SLFN11: variants seen among roughly 807,000 people sequenced by gnomAD.
SLFN11 encodes schlafen family member 11.
SLFN11 carries 43 observed loss-of-function variants against 53.4 expected under a neutral mutation model. The observed-to-expected ratio is 0.80, with a 90% CI of 0.63 to 1.04. The LOEUF is 1.04. SLFN11 is among the 50% of genes least tolerant of loss of function. The probability of loss-of-function intolerance (pLI) is 0.00; values close to 1 mark genes in which losing one functional copy is unlikely to be tolerated. For synonymous variants in SLFN11, 389 were observed against 394.7 expected (o/e 0.99, Z 0.17); for missense variants, 990 against 1,079.1 (o/e 0.92, Z 1.16).
rs141261472 is a variant in SLFN11, at chr17:35,360,401, C to T, written c.1070-30G>A. 1.6e-4 allele frequency: 250 copies of T among 1,581,240 alleles called. 2 individuals carry two copies. In the East Asian group the frequency reaches 3.5e-3, roughly 22 times the overall value. On this transcript the variant is annotated intron_variant, in intron 4 of 6. Coordinates refer to ENST00000685675, the MANE Select transcript of SLFN11 (RefSeq NM_001376007.1). ...AGAAAGAAAATTCATGTTATTCTGA[C>T]GTGTTAATCTCTTCATACTGAAAGA... is the stretch of plus-strand genomic sequence containing the variant.
At position 35,352,902 on chromosome 17, in the gene SLFN11, G is replaced by C; in HGVS notation, c.2160C>G (p.Asp720Glu). Residue 720 changes from aspartate to glutamate, a missense_variant, in exon 7 of 7, where the codon GAC becomes GAG. This residue lies in a region of SLFN11 where 313 missense variants were observed against 320.9 expected (regional missense o/e 0.98). Coordinates refer to ENST00000685675, the MANE Select transcript of SLFN11 (RefSeq NM_001376007.1). ...TGGTGAGCTCTTCTCTTGGATATTG[G>C]TCTGAGAGAGGAGGGAGGCCACTGC... ...LDCSGLPPLS[D>E]QYPREELTRI... The C allele has an allele frequency of 6.2e-7, 1 of 1,614,152 alleles. No individual in the cohort carries two copies. The highest frequency in any genetic ancestry group is 1.6e-4 in the Middle Eastern group (1 of 6,062).
At position 35,354,053 on chromosome 17, in the gene SLFN11, G is replaced by T. The variant is rs780627601; in HGVS notation, c.1205C>A (p.Pro402Gln). The change falls in exon 6 of 7, where the codon CCA becomes CAA. Residue 402 changes from proline (P) to glutamine (Q), a missense_variant. By Grantham distance (76) the Pro-to-Gln change is moderately conservative. This residue lies in a region of SLFN11 where 521 missense variants were observed against 516.2 expected (regional missense o/e 1.01). Transcript: ENST00000685675. ...ELQQLLFSVP[P>Q]GYLRYTPESL... ...CTCTGGAGTATATCGCAAATATCCT[G>T]GTGGGACTGTATGTGAAAAGAATGA... is the stretch of plus-strand genomic sequence containing the variant. 6.2e-7 allele frequency: 1 copy of T among 1,600,824 alleles called. No homozygotes were observed. Among genetic ancestry groups the T allele is most frequent in the South Asian group, 1.1e-5 (1 of 89,456 alleles).
chr17:35,352,120 T>C lies in SLFN11; in HGVS notation c.*236A>G, dbSNP rs912523594. The C allele has an allele frequency of 2.4e-5, 14 of 584,392 alleles. No homozygotes were observed. Among genetic ancestry groups the C allele is most frequent in the Middle Eastern group, 4.0e-4 (1 of 2,518 alleles). 36.2% of individuals were successfully genotyped at this position (584,392 alleles called of 1,614,324 possible). On this transcript the variant is annotated 3_prime_UTR_variant, in exon 7 of 7. Coordinates refer to ENST00000685675, the MANE Select transcript of SLFN11 (RefSeq NM_001376007.1). Reference sequence around the variant, plus strand: ...TTGTGCAGGACAGCTAAAGTTCCTTTAGAAAACCACCATCTTTCTGGCTGG... The same window carrying C: ...TTGTGCAGGACAGCTAAAGTTCCTTCAGAAAACCACCATCTTTCTGGCTGG...
chr17:35,351,317 CT>C lies in SLFN11; in HGVS notation c.*1038del, dbSNP rs1179860231. 1 of 152,216 alleles carries C rather than the reference CT, an allele frequency of 6.6e-6. No individual in the cohort carries two copies. The highest frequency in any genetic ancestry group is 2.4e-5 in the African/African-American group (1 of 41,438). 9.4% of individuals were successfully genotyped at this position (152,216 alleles called of 1,614,324 possible). On this transcript the variant is annotated 3_prime_UTR_variant, in exon 7 of 7. Transcript: ENST00000685675. The stretch of plus-strand genomic sequence containing the variant: ...CCATGACTTCATGTAACCTTAATTA[CT>C]TCCTTAGCAGCCCCAGCTCCACAGT...
intron 1 of SLFN11, among the ~76,000 whole-genome samples, chr17:35,372,842 C>T (rs1205162236): frequency 6.6e-6 from 1 of 151,982 alleles, no homozygotes. Context: ...GATGTGCCCT[C>T]TTGGAAAACT....
chr17:35,351,455 T>C lies in SLFN11; in HGVS notation c.*901A>G, dbSNP rs528599668. On this transcript the variant is annotated 3_prime_UTR_variant, in exon 7 of 7. Coordinates refer to ENST00000685675, the MANE Select transcript of SLFN11 (RefSeq NM_001376007.1). ...AAGTAAATAGAAAAAAAATCACAGTTCAAGAATAACATAAAACTTAACTAG... is the reference window on the plus strand; with the variant it reads ...AAGTAAATAGAAAAAAAATCACAGTCCAAGAATAACATAAAACTTAACTAG... 1 of 152,220 alleles carries C rather than the reference T, an allele frequency of 6.6e-6. No individual in the cohort carries two copies. The highest frequency in any genetic ancestry group is 2.1e-4 in the South Asian group (1 of 4,826). The allele number at this position is 152,220 out of a possible 1,614,324, so 9.4% of individuals were successfully genotyped here. A position where few individuals can be genotyped will look rare whatever the true frequency, so the allele number is the denominator to read the frequency against.
In SLFN11 at chr17:35,352,832, CT is replaced by C; in HGVS notation, c.2229del (p.Glu744LysfsTer4). 1 of 1,614,218 alleles carries C rather than the reference CT, an allele frequency of 6.2e-7. No homozygotes were observed. ...GGATTACTTCTAATTACTTGCATTT[CT>C]TTTTGTAAGTACTTGGCTATTGGAT... ...NADPIAKYLQ[K>X]EMQVIRSNPS... On this transcript the variant is annotated frameshift_variant, in exon 7 of 7. Coordinates refer to ENST00000685675, the MANE Select transcript of SLFN11 (RefSeq NM_001376007.1). LOFTEE classifies it low-confidence loss of function (END_TRUNC).
chr17:35,362,402 A>G (rs1908341882), intron 4 of SLFN11, among the ~76,000 whole-genome samples: 1 of 152,162 alleles, frequency 6.6e-6, no homozygotes, highest in Admixed American at 6.5e-5. Context: ...AGTAATAACT[A>G]TGTTTAACAA....
chr17:35,370,137 C>A (rs968529281), intron 1 of SLFN11, among the ~76,000 whole-genome samples: 3 of 152,050 alleles, frequency 2.0e-5, no homozygotes, highest in African/African-American at 7.2e-5. Flanking sequence ...TTTATCATGA[C>A]TAAGTGCTAT....
chr17:35,369,642 AAGG>A (rs1909410828), intron 1 of SLFN11, among the ~76,000 whole-genome samples: 1 of 152,158 alleles, frequency 6.6e-6, no homozygotes, highest in Non-Finnish European at 1.5e-5. Context: ...CTGAGAAAAA[AAGG>A]AGAATACCCA....
chr17:35,361,926 G>T (rs1271761740), intron 4 of SLFN11, among the ~76,000 whole-genome samples: 1 of 151,904 alleles, frequency 6.6e-6, no homozygotes, highest in East Asian at 1.9e-4. Context: ...TCTATTTTTA[G>T]TAGAGACGGG....
chr17:35,365,457 TA>T (rs11367435), intron 3 of SLFN11, among the ~76,000 whole-genome samples: 90,686 of 131,308 alleles, frequency 0.69, 27,312 homozygotes, highest in South Asian at 0.73. Context: ...GCTAATTCTT[TA>T]AAAATTTTTT....
intron 4 of SLFN11, among the ~76,000 whole-genome samples, chr17:35,361,767 CAG>C (rs1347195915): frequency 4.0e-5 from 6 of 151,398 alleles, no homozygotes; most frequent in Admixed American, 2.0e-4. Flanking sequence ...TTTTTTGAGA[CAG>C]AGTCTCGCTC....
chr17:35,358,556 A>G (rs556692816), intron 5 of SLFN11, among the ~76,000 whole-genome samples: 2 of 151,874 alleles, frequency 1.3e-5, no homozygotes, highest in African/African-American at 2.4e-5. Flanking sequence ...ATGTAAATAT[A>G]TATATAATGT....
chr17:35,372,478 A>G (rs1909808911), intron 1 of SLFN11, among the ~76,000 whole-genome samples: 1 of 152,142 alleles, frequency 6.6e-6, no homozygotes, highest in African/African-American at 2.4e-5. Context: ...TTGCAACTCA[A>G]AGGGTAAATG....
In SLFN11 at chr17:35,352,039, A is replaced by C. The variant is rs1315534560; in HGVS notation, c.*317T>G. ...CAGCCTTGGAAGAAAGAAAGGCCAC[A>C]GGCTGAGTTTCTTATTTTTATGGCT... On this transcript the variant is annotated 3_prime_UTR_variant, in exon 7 of 7. Transcript: ENST00000685675. 3.4e-6 allele frequency: 1 copy of C among 293,556 alleles called. No homozygotes were observed. The highest frequency in any genetic ancestry group is 6.3e-6 in the Non-Finnish European group (1 of 158,766). 18.2% of individuals were successfully genotyped at this position (293,556 alleles called of 1,614,324 possible).
At chr17:35,366,365 G>A (rs1157841978) in intron 3 of SLFN11, among the ~76,000 whole-genome samples, 8 of 151,876 alleles carry the variant, frequency 5.3e-5, no homozygotes, top group Non-Finnish European at 1.5e-5. Context: ...ACAAATAACC[G>A]ATATCACTAT....
At position 35,358,300 on chromosome 17, in the gene SLFN11, TTA is replaced by T. The variant is rs1907780615; in HGVS notation, c.1198+1941_1198+1942del. On this transcript the variant is annotated intron_variant, in intron 5 of 6. Transcript: ENST00000685675. ...CTTCTTATAATACTAATATAAGTAC[TTA>T]TATTCATTCTGAATTATTTTACTGT... 2.0e-5 allele frequency among the ~76,000 whole-genome samples: 3 copies of T among 151,666 alleles called. No individual in the cohort carries two copies. The South Asian group carries it at 6.2e-4, about 31-fold the overall frequency.
chr17:35,356,678 T>C (rs1187233873), intron 5 of SLFN11, among the ~76,000 whole-genome samples: 1 of 152,038 alleles, frequency 6.6e-6, no homozygotes, highest in Non-Finnish European at 1.5e-5. Flanking sequence ...ATGTACCATA[T>C]CTTGTTTGAC....
Sources: gnomAD v4.1 joint callset for allele counts (sites outside exome capture counted in the v4.1 genomes callset) on GRCh38, gnomAD v4.1.1 for gene constraint, gnomAD v4.1.1 regional missense constraint, MANE v1.5 for transcripts, NCBI Gene and HGNC (gene_info 2026-07-23, HGNC 2026-07-21) for gene names.